Variants in IQUB observed in about 807,000 individuals in gnomAD.
IQUB encodes the protein IQ motif and ubiquitin-like domain-containing protein.
In IQUB, 86 loss-of-function variants were observed where a neutral mutation model predicts 86.4. That is an observed-to-expected ratio of 1.00 (90% CI 0.84 to 1.19). The LOEUF (loss-of-function observed/expected upper bound fraction) is 1.19, where lower values mean the gene tolerates loss of function less well. Ranked by LOEUF, IQUB falls within the 50% of genes most tolerant of loss-of-function variation. The pLI is 0.00. For missense variants in IQUB, 946 were observed against 916.9 expected (o/e 1.03, Z -0.41); for synonymous variants, 289 against 304.5 (o/e 0.95, Z 0.53).
intron 10 of IQUB, among the ~76,000 whole-genome samples, chr7:123,464,135 T>C (rs1043847408): frequency 1.3e-5 from 2 of 151,884 alleles, no homozygotes; most frequent in Non-Finnish European, 2.9e-5. Flanking sequence ...ATCATTGAAA[T>C]AAAACTATAA....
intron 8 of IQUB, among the ~76,000 whole-genome samples, chr7:123,477,469 A>G (rs1239728089): frequency 6.6e-6 from 1 of 152,220 alleles, no homozygotes; most frequent in Non-Finnish European, 1.5e-5. Flanking sequence ...TAAACGTTAG[A>G]CCTAAAACCA....
intron 9 of IQUB, 42 bp downstream of exon 9, chr7:123,469,172 G>T: frequency 3.9e-6 from 5 of 1,278,546 alleles, no homozygotes; most frequent in South Asian, 4.5e-5. Flanking sequence ...TTTTTTTATT[G>T]ACAGTGAACT....
chr7:123,478,508 C>CAT (rs1277859009), intron 8 of IQUB, among the ~76,000 whole-genome samples: 2 of 152,000 alleles, frequency 1.3e-5, no homozygotes, highest in African/African-American at 4.8e-5. Context: ...CAACATGGCA[C>CAT]ATATATACCT....
intron 1 of IQUB, chr7:123,532,477 T>C (rs1177239809): frequency 6.6e-6 from 1 of 152,122 alleles, no homozygotes; most frequent in Non-Finnish European, 1.5e-5. Context: ...AGGATAGTTA[T>C]CTCCATCCAT....
intron 3 of IQUB, among the ~76,000 whole-genome samples, chr7:123,507,531 A>G (rs936321345): frequency 6.6e-6 from 1 of 152,198 alleles, no homozygotes; most frequent in Non-Finnish European, 1.5e-5. Context: ...TGTTCAAGAA[A>G]GCACATTCTA....
At chr7:123,460,964 T>TAAAAAAA (rs1793949978) in intron 11 of IQUB, among the ~76,000 whole-genome samples, 1 of 151,496 alleles carries the variant, frequency 6.6e-6, no homozygotes, top group South Asian at 2.1e-4. Context: ...TCAAAGCCTT[T>TAAAAAAA]CCCTAAGGTT....
chr7:123,498,591 TC>T (rs888085660), intron 6 of IQUB, among the ~76,000 whole-genome samples: 4 of 152,202 alleles, frequency 2.6e-5, no homozygotes, highest in Admixed American at 6.6e-5. Context: ...AGAAGTTTTT[TC>T]CCTTTCACAT....
At position 123,502,686 on chromosome 7, in the gene IQUB, C is replaced by T. The variant is rs769433607; in HGVS notation, c.934G>A (p.Gly312Ser). ...TCAGTCATATTTGATACATATACACCAATGTTAGTCATCTGTGTGGATGTT... is the reference window on the plus strand; with the variant it reads ...TCAGTCATATTTGATACATATACACTAATGTTAGTCATCTGTGTGGATGTT... ...NTTSTQMTNI[G>S]VYVSNMTDKL... Residue 312 changes from glycine (G) to serine (S), a missense_variant, in exon 6 of 13, where the codon GGT (glycine) becomes AGT (serine). By Grantham distance (56) the Gly-to-Ser change is moderately conservative. Transcript: ENST00000324698. 1.2e-6 allele frequency: 2 copies of T among 1,609,156 alleles called. No individual in the cohort carries two copies. Among genetic ancestry groups the T allele is most frequent in the Non-Finnish European group, 1.7e-6 (2 of 1,176,442 alleles).
intron 1 of IQUB, among the ~76,000 whole-genome samples, chr7:123,525,240 C>A (rs1797137105): frequency 6.6e-6 from 1 of 151,976 alleles, no homozygotes; most frequent in African/African-American, 2.4e-5. Flanking sequence ...AGGATTCCCT[C>A]TTTTTCTATT....
At chr7:123,462,988 C>T (rs192352827) in intron 10 of IQUB, among the ~76,000 whole-genome samples, 48 of 151,686 alleles carry the variant, frequency 3.2e-4, no homozygotes, top group Non-Finnish European at 5.3e-4. Context: ...AATTCTTCTC[C>T]CACTATGCAA....
intron 3 of IQUB, among the ~76,000 whole-genome samples, chr7:123,506,893 A>G (rs372738037): frequency 1.2e-4 from 19 of 152,250 alleles, no homozygotes; most frequent in African/African-American, 4.6e-4. Context: ...TTATGATGCT[A>G]TTGTTTTAAC....
At chr7:123,459,868 CA>C (rs886957037) in intron 11 of IQUB, 3 of 151,820 alleles carry the variant, frequency 2.0e-5, no homozygotes, top group Admixed American at 2.0e-4. Context: ...AATTTATTAA[CA>C]AAATATTCAT....
chr7:123,506,377 G>A (rs1176944542), intron 3 of IQUB, among the ~76,000 whole-genome samples: 5 of 152,062 alleles, frequency 3.3e-5, no homozygotes, highest in Non-Finnish European at 7.4e-5. Flanking sequence ...TTCTGTATTA[G>A]TCCGTTCTCA....
chr7:123,514,795 TATGTTCAGGTATAG>T (rs993250436), intron 1 of IQUB, among the ~76,000 whole-genome samples: 12 of 152,176 alleles, frequency 7.9e-5, no homozygotes, highest in African/African-American at 2.7e-4. Context: ...TTCCACTCTC[TATGTTCAGGTATAG>T]ATGTTATTTC....
rs182411925 is a variant in IQUB at position 123,531,947 on chromosome 7, T to C, written c.-5+2545A>G. On this transcript the variant is annotated intron_variant, in intron 1 of 12. Transcript: ENST00000324698. ...CACAGAGGTTTTCTAATTTTATTCC[T>C]CCACTCAATGTGGCTATTCTCCCTT... Among the ~76,000 whole-genome samples the C allele has an allele frequency of 2.8e-3, 424 of 152,324 alleles. 4 individuals are homozygous for C. Among genetic ancestry groups the C allele is most frequent in the East Asian group, 0.024 (126 of 5,186 alleles).
rs576164355 is a variant in IQUB at position 123,483,654 on chromosome 7, C to T, written c.1235-3684G>A. ...GTTTCCCTGCCTCTCCTTGGCTGGA[C>T]ATACTATAAAATCCTTCCACAGGAA... On this transcript the variant is annotated intron_variant, in intron 7 of 12. Coordinates refer to ENST00000324698, the MANE Select transcript of IQUB (RefSeq NM_178827.5). Among the ~76,000 whole-genome samples the T allele has an allele frequency of 2.0e-5, 3 of 152,164 alleles. No individual in the cohort carries two copies. In the East Asian group the frequency reaches 5.8e-4, roughly 29 times the overall value.
intron 3 of IQUB, among the ~76,000 whole-genome samples, chr7:123,508,096 G>A (rs1440537378): frequency 6.6e-6 from 1 of 152,136 alleles, no homozygotes; most frequent in East Asian, 1.9e-4. Flanking sequence ...GGAAGGAAGA[G>A]GAAGATTTGA....
At chr7:123,492,243 A>G (rs1243427643) in intron 7 of IQUB, among the ~76,000 whole-genome samples, 1 of 152,234 alleles carries the variant, frequency 6.6e-6, no homozygotes, top group Non-Finnish European at 1.5e-5. Context: ...AACTTAACAA[A>G]GATACAAAGG....
intron 7 of IQUB, among the ~76,000 whole-genome samples, chr7:123,488,351 A>C (rs76831052): frequency 7.0e-6 from 1 of 142,970 alleles, no homozygotes; most frequent in African/African-American, 2.8e-5. Flanking sequence ...AAAAAAAAGA[A>C]AAAAAAAAAA....
Sources: allele counts gnomAD v4.1 joint callset (sites outside exome capture counted in the v4.1 genomes callset), GRCh38; gene constraint gnomAD v4.1.1; transcripts MANE v1.5; gene names NCBI Gene and HGNC (gene_info 2026-07-23, HGNC 2026-07-21).